The following KNL1 variants were observed in gnomAD, a reference collection of about 807,000 sequenced individuals.
KNL1 encodes the protein outer kinetochore KNL1 complex subunit KNL1.
In KNL1, 66 loss-of-function variants were observed where a neutral mutation model predicts 201.3. That is an observed-to-expected ratio of 0.33 (90% CI 0.27 to 0.40). KNL1 has a LOEUF of 0.40. KNL1 is among the 10% of genes least tolerant of loss of function. KNL1 has a pLI of 1.00. For synonymous variants in KNL1, 895 were observed against 899.2 expected (o/e 1.00, Z 0.08); for missense variants, 2,815 against 2,690.5 (o/e 1.05, Z -1.02).
chr15:40,622,824 G>C lies in KNL1; in HGVS notation c.2560G>C (p.Gly854Arg). ...NVKIWGRKSV[G>R]GPKIDKTIVF... ...CAAAATTTGGGGAAGGAAAAGTGTT[G>C]GTGGACCAAAAATTGATAAGACTAT... Residue 854 changes from glycine to arginine, a missense_variant, in exon 10 of 26, where the codon GGT becomes CGT. Coordinates refer to ENST00000399668, the MANE Select transcript of KNL1 (RefSeq NM_144508.5). 1.2e-6 allele frequency: 2 copies of C among 1,613,416 alleles called. No homozygotes were observed. The highest frequency in any genetic ancestry group is 1.7e-6 in the Non-Finnish European group (2 of 1,179,732).
At chr15:40,626,319 ATTTC>A (rs1892751639) in intron 10 of KNL1, among the ~76,000 whole-genome samples, 1 of 147,128 alleles carries the variant, frequency 6.8e-6, no homozygotes, top group Non-Finnish European at 1.5e-5. Flanking sequence ...CACCCGGCTA[ATTTC>A]TTTCTTTTTT....
At chr15:40,608,580 T>C (rs1222804195) in intron 4 of KNL1, among the ~76,000 whole-genome samples, 1 of 151,776 alleles carries the variant, frequency 6.6e-6, no homozygotes, top group African/African-American at 2.4e-5. Context: ...ACCCCATCCC[T>C]ACTAAAAATA....
intron 21 of KNL1, among the ~76,000 whole-genome samples, chr15:40,653,958 G>A (rs981726019): frequency 6.6e-6 from 1 of 152,100 alleles, no homozygotes; most frequent in Non-Finnish European, 1.5e-5. Flanking sequence ...TCTGTTGTAT[G>A]TTCTTGCTTT....
intron 1 of KNL1, among the ~76,000 whole-genome samples, chr15:40,598,966 G>A (rs1429437106): frequency 6.6e-6 from 1 of 151,816 alleles, no homozygotes; most frequent in Admixed American, 6.6e-5. Context: ...ACCATACCTG[G>A]TTAATTATTT....
chr15:40,645,970 T>C (rs1016983553), intron 16 of KNL1, among the ~76,000 whole-genome samples, 198 bp downstream of exon 16: 2 of 152,228 alleles, frequency 1.3e-5, no homozygotes, highest in African/African-American at 4.8e-5. Context: ...TAATTACTAA[T>C]GTGGGCCTAT....
intron 13 of KNL1, among the ~76,000 whole-genome samples, chr15:40,637,014 G>A (rs1192722629): frequency 1.3e-5 from 2 of 150,692 alleles, no homozygotes; most frequent in Admixed American, 1.3e-4. Context: ...TAATTATTCA[G>A]TCAGTGTTTA....
At position 40,621,541 on chromosome 15, in the gene KNL1, A is replaced by G. The variant is rs915948479; in HGVS notation, c.1277A>G (p.Lys426Arg). 1 of 1,611,938 alleles carries G rather than the reference A, an allele frequency of 6.2e-7. No homozygotes were observed. Among genetic ancestry groups the G allele is most frequent in the Admixed American group, 1.7e-5 (1 of 59,608 alleles). ...TCTAATCCATCTATTCAAGGTTGTA[A>G]GACTGTTTTCTATTCTAGTTGTAAT... The part of the protein sequence containing the change: ...IYSNPSIQGC[K>R]TVFYSSCNDA... The change falls in exon 10 of 26, where the codon AAG (lysine) becomes AGG (arginine). Residue 426 changes from lysine (K) to arginine (R), a missense_variant. Around this residue, in one of 3 missense-constraint regions of KNL1, gnomAD observed 2,464 missense variants for 2,291.7 expected, o/e 1.08. Coordinates refer to ENST00000399668, the MANE Select transcript of KNL1 (RefSeq NM_144508.5).
At position 40,658,821 on chromosome 15, in the gene KNL1, T is replaced by C. The variant is rs542513797; in HGVS notation, c.6714-518T>C. ...GGCACACACCTGTAGTCCCAGCTAA[T>C]CAGGAGGCTGAGGCAGGAGAATCGC... is the stretch of plus-strand genomic sequence containing the variant. On this transcript the variant is annotated intron_variant, in intron 24 of 25. Transcript: ENST00000399668. 2.0e-5 allele frequency among the ~76,000 whole-genome samples: 3 copies of C among 149,750 alleles called. No individual in the cohort carries two copies. In the South Asian group the frequency reaches 6.3e-4, roughly 32 times the overall value.
Position 40,621,166 on chromosome 15 carries a change from C to T in KNL1, c.902C>T (p.Thr301Ile). Reference protein sequence around the residue: ...IQTLIPTSSETNSRESKGNDI... With the variant: ...IQTLIPTSSEINSRESKGNDI... ...ACATTGATTCCCACATCCAGTGAGA[C>T]CAACTCACGGGAATCTAAAGGTAAT... Residue 301 changes from threonine (T) to isoleucine (I), a missense_variant, in exon 10 of 26, where the codon ACC (threonine) becomes ATC (isoleucine). Physicochemically the swap from Thr to Ile is moderately conservative, Grantham distance 89 (BLOSUM62 -1). Transcript: ENST00000399668. 1 of 1,613,270 alleles carries T rather than the reference C, an allele frequency of 6.2e-7. No homozygotes were observed.
chr15:40,661,895 G>A (rs1350922304), intron 25 of KNL1, among the ~76,000 whole-genome samples, 179 bp from the exon 26 acceptor site: 1 of 152,078 alleles, frequency 6.6e-6, no homozygotes, highest in Non-Finnish European at 1.5e-5. Flanking sequence ...ACAAAAATTA[G>A]CCGGGCGTGG....
At chr15:40,650,719 A>G (rs536290669) in intron 19 of KNL1, 136 bp downstream of exon 19, 33 of 700,124 alleles carry the variant, frequency 4.7e-5, no homozygotes, top group Non-Finnish European at 6.5e-5. Flanking sequence ...TCCACTTTGA[A>G]TGGAAACCTA....
In KNL1 at chr15:40,618,989, A is replaced by T. The variant is rs1892431267; in HGVS notation, c.353A>T (p.His118Leu). ...AACACATTGCTTTCTGCTCCCATTC[A>T]TACCCAGATGCAACAGAAGGAGGTA... ...GMNTLLSAPIHTQMQQKEFSI... is the reference protein window; with the variant it reads ...GMNTLLSAPILTQMQQKEFSI... Residue 118 changes from histidine (H) to leucine (L), a missense_variant, in exon 9 of 26, where the codon CAT becomes CTT. Around this residue, in one of 3 missense-constraint regions of KNL1, gnomAD observed 2,464 missense variants for 2,291.7 expected, o/e 1.08. Transcript: ENST00000399668. 3 of 1,607,342 alleles carry T rather than the reference A, an allele frequency of 1.9e-6. No individual in the cohort carries two copies. Among genetic ancestry groups the T allele is most frequent in the Non-Finnish European group, 2.6e-6 (3 of 1,174,626 alleles).
At chr15:40,630,768 C>T (rs1892891260) in intron 13 of KNL1, among the ~76,000 whole-genome samples, 1 of 152,140 alleles carries the variant, frequency 6.6e-6, no homozygotes. Flanking sequence ...CCCACAGATT[C>T]TATATTATGA....
At chr15:40,596,401 G>A (rs568951707) in intron 1 of KNL1, among the ~76,000 whole-genome samples, 18 of 152,038 alleles carry the variant, frequency 1.2e-4, no homozygotes, top group South Asian at 4.2e-4. Context: ...CTCAGCTTCC[G>A]CAGTAACTGG....
At position 40,647,182 on chromosome 15, in the gene KNL1, T is replaced by G. The variant is rs932433187; in HGVS notation, c.6094+108T>G. 4.6e-6 allele frequency: 3 copies of G among 653,252 alleles called. No individual in the cohort carries two copies. The Admixed American group carries it at 7.7e-5, about 17-fold the overall frequency. The allele number at this position is 653,252 out of a possible 1,614,324, so 40.5% of individuals were successfully genotyped here. ...ATATTGAAGACTTGTATTAGCAACT[T>G]GAGATATTAAATTAGAGTAAATTGG... On this transcript the variant is annotated intron_variant, in intron 17 of 25. Coordinates refer to ENST00000399668, the MANE Select transcript of KNL1 (RefSeq NM_144508.5).
chr15:40,596,866 G>A (rs1891633750), intron 1 of KNL1, among the ~76,000 whole-genome samples: 1 of 151,774 alleles, frequency 6.6e-6, no homozygotes, highest in Non-Finnish European at 1.5e-5. Flanking sequence ...CAAGCGTGGT[G>A]GCGCATGCCT....
intron 12 of KNL1, 93 bp downstream of exon 12, chr15:40,628,771 ATTTTTT>A: frequency 2.8e-6 from 2 of 709,136 alleles, no homozygotes; most frequent in Non-Finnish European, 4.5e-6. Context: ...GGTTTAAAAA[ATTTTTT>A]TTAATTACGA....
chr15:40,632,291 C>T (rs144863316), intron 13 of KNL1, among the ~76,000 whole-genome samples: 21 of 144,938 alleles, frequency 1.4e-4, no homozygotes, highest in Admixed American at 8.6e-4. Context: ...AGAAAGAAAA[C>T]GTACTCATAG....
At chr15:40,657,271 C>G (rs1595950480) in intron 23 of KNL1, 84 bp from the exon 24 acceptor site, 1 of 1,051,880 alleles carries the variant, frequency 9.5e-7, no homozygotes, top group East Asian at 2.4e-5. Flanking sequence ...AATTGTTTAA[C>G]TTTTTTGAGT....
Sources: allele counts gnomAD v4.1 joint callset (sites outside exome capture counted in the v4.1 genomes callset), GRCh38; gene constraint gnomAD v4.1.1; regional missense constraint gnomAD v4.1.1; transcripts MANE v1.5; gene names NCBI Gene and HGNC (gene_info 2026-07-23, HGNC 2026-07-21).